Variants in PHKB observed in about 807,000 individuals in gnomAD.
PHKB encodes phosphorylase b kinase regulatory subunit beta.
Under a neutral mutation model 152.1 loss-of-function variants are expected in PHKB, and 122 were observed. The ratio of observed to expected loss-of-function variants is 0.80; its 90% CI spans 0.69 to 0.93. The LOEUF is 0.93. Among genes scored for constraint, PHKB ranks in the 40% least tolerant of loss-of-function variants. PHKB has a pLI of 0.00. For missense variants in PHKB, 1,304 were observed against 1,328.4 expected (o/e 0.98, Z 0.29); for synonymous variants, 436 against 464.9 (o/e 0.94, Z 0.80).
At chr16:47,565,369 T>A (rs1027761754) in intron 7 of PHKB, 1 of 951,034 alleles carries the variant, frequency 1.1e-6, no homozygotes, top group Non-Finnish European at 1.7e-6. Context: ...CCTCAGATGG[T>A]TGAGCTGGAG....
chr16:47,699,208 G>T (rs1343240178), intron 30 of PHKB, 21 bp from the exon 31 acceptor site: 1 of 1,613,048 alleles, frequency 6.2e-7, no homozygotes, highest in Non-Finnish European at 8.5e-7. Context: ...CGAATGCCTT[G>T]CCTACTGTTT....
intron 2 of PHKB, among the ~76,000 whole-genome samples, chr16:47,498,977 A>G (rs902686438): frequency 2.6e-5 from 4 of 152,200 alleles, no homozygotes; most frequent in South Asian, 2.1e-4. Context: ...CCATCCATTT[A>G]TAGTTAGATA....
chr16:47,678,596 C>T (rs1258692514), intron 26 of PHKB, among the ~76,000 whole-genome samples: 138 of 151,978 alleles, frequency 9.1e-4, no homozygotes, highest in Middle Eastern at 3.4e-3. Flanking sequence ...TCATGTCCTT[C>T]GCCCACTTTT....
intron 7 of PHKB, among the ~76,000 whole-genome samples, chr16:47,574,216 CAT>C (rs1971712507): frequency 6.6e-6 from 1 of 152,032 alleles, no homozygotes; most frequent in Non-Finnish European, 1.5e-5. Context: ...CATCACTTCT[CAT>C]ATGCTCCTTG....
At chr16:47,511,869 C>G in intron 5 of PHKB, 97 bp downstream of exon 5, 2 of 807,020 alleles carry the variant, frequency 2.5e-6, no homozygotes, top group African/African-American at 1.7e-5. Context: ...TTGTGGAAAA[C>G]AAGTTTTCCA....
chr16:47,628,287 C>G (rs1972747667), intron 14 of PHKB, among the ~76,000 whole-genome samples: 1 of 152,152 alleles, frequency 6.6e-6, no homozygotes, highest in Non-Finnish European at 1.5e-5. Flanking sequence ...AATCCCAGCA[C>G]TTTGGGAGGC....
intron 16 of PHKB, among the ~76,000 whole-genome samples, chr16:47,647,136 T>G (rs908493337): frequency 2.6e-5 from 4 of 152,092 alleles, no homozygotes; most frequent in Non-Finnish European, 5.9e-5. Context: ...TATTTATTTA[T>G]TTTTGAAATG....
rs934271072 is a variant in PHKB, at chr16:47,549,704, G to GA, written c.710+2165dup. Among the ~76,000 whole-genome samples the GA allele has an allele frequency of 8.0e-5, 12 of 149,594 alleles. No individual in the cohort carries two copies. The South Asian group carries it at 8.5e-4, about 11-fold the overall frequency. The stretch of plus-strand genomic sequence containing the variant: ...AATGAGACTCCATCACAAAAAGAAA[G>GA]AAAAAAAAATGCTAACCTGTAGTAA... On this transcript the variant is annotated intron_variant, in intron 7 of 30. Transcript: ENST00000323584.
At chr16:47,484,296 A>G in intron 1 of PHKB, among the ~76,000 whole-genome samples, 1 of 152,238 alleles carries the variant, frequency 6.6e-6, no homozygotes, top group East Asian at 1.9e-4. Context: ...TAAGTTGAAT[A>G]GGCAAATTTT....
chr16:47,658,951 C>T (rs770981538), intron 20 of PHKB, among the ~76,000 whole-genome samples: 1 of 152,058 alleles, frequency 6.6e-6, no homozygotes, highest in Non-Finnish European at 1.5e-5. Flanking sequence ...CAATACCTAA[C>T]ATAGTACCTA....
chr16:47,548,336 C>T (rs561803381), intron 7 of PHKB, among the ~76,000 whole-genome samples: 3 of 152,250 alleles, frequency 2.0e-5, no homozygotes, highest in Non-Finnish European at 2.9e-5. Context: ...AGGCTGGGCA[C>T]GGTGGCTCAC....
At chr16:47,639,629 A>G (rs1440684106) in intron 14 of PHKB, among the ~76,000 whole-genome samples, 1 of 152,242 alleles carries the variant, frequency 6.6e-6, no homozygotes, top group Non-Finnish European at 1.5e-5. Context: ...ATACAAGTGG[A>G]AACAATATCC....
chr16:47,485,050 C>T (rs1970026784), intron 1 of PHKB, among the ~76,000 whole-genome samples: 1 of 152,188 alleles, frequency 6.6e-6, no homozygotes, highest in Non-Finnish European at 1.5e-5. Context: ...AGCTTTTCAA[C>T]ACCTAGGATC....
chr16:47,689,703 G>A (rs1436019107), intron 27 of PHKB, among the ~76,000 whole-genome samples: 1 of 152,202 alleles, frequency 6.6e-6, no homozygotes, highest in Non-Finnish European at 1.5e-5. Flanking sequence ...TAGCTTTAAT[G>A]TAAGTATTTA....
At chr16:47,683,331 C>G (rs1316409177) in intron 26 of PHKB, among the ~76,000 whole-genome samples, 1 of 152,232 alleles carries the variant, frequency 6.6e-6, no homozygotes, top group Admixed American at 6.5e-5. Context: ...TTACTGCCGT[C>G]TTTTTGTTTG....
intron 7 of PHKB, among the ~76,000 whole-genome samples, chr16:47,552,800 AACACACACAC>A (rs61186489): frequency 3.5e-5 from 5 of 143,498 alleles, no homozygotes; most frequent in South Asian, 4.5e-4. Context: ...CCCCATCTCA[AACACACACAC>A]ACACACACAC....
rs759575013 is a variant in PHKB at position 47,701,175 on chromosome 16, A to T, written c.*1809A>T. The T allele has an allele frequency of 6.6e-6, 1 of 152,204 alleles. No individual in the cohort carries two copies. Among genetic ancestry groups the T allele is most frequent in the Non-Finnish European group, 1.5e-5 (1 of 68,034 alleles). The allele number at this position is 152,204 out of a possible 1,614,324, so 9.4% of individuals were successfully genotyped here. On this transcript the variant is annotated 3_prime_UTR_variant, in exon 31 of 31. Coordinates refer to ENST00000323584, the MANE Select transcript of PHKB (RefSeq NM_000293.3). ...GAGCTGACACTTCATAACTGGAGAA[A>T]CTGGAAATTAAAGAAAGGGAAACAA...
chr16:47,667,334 C>G (rs1973557128), intron 25 of PHKB, among the ~76,000 whole-genome samples: 2 of 152,024 alleles, frequency 1.3e-5, no homozygotes, highest in Admixed American at 1.3e-4. Context: ...CCTTGGGAAG[C>G]TGAGGTAGGA....
At chr16:47,596,306 T>C in intron 12 of PHKB, 67 bp from the exon 13 acceptor site, 2 of 1,122,490 alleles carry the variant, frequency 1.8e-6, no homozygotes, top group Middle Eastern at 2.1e-4. Context: ...TATATCTTTA[T>C]TAGTAGCATG....
Sources: gnomAD v4.1 joint callset for allele counts (sites outside exome capture counted in the v4.1 genomes callset) on GRCh38, gnomAD v4.1.1 for gene constraint, MANE v1.5 for transcripts, NCBI Gene and HGNC (gene_info 2026-07-23, HGNC 2026-07-21) for gene names.